Variants in SORCS3 observed in about 807,000 individuals in gnomAD.
The protein encoded by SORCS3 is VPS10 domain-containing receptor SorCS3.
SORCS3 carries 57 observed loss-of-function variants against 146.3 expected under a neutral mutation model. That is an observed-to-expected ratio of 0.39 (90% CI 0.31 to 0.49). The LOEUF (loss-of-function observed/expected upper bound fraction) is 0.49. Ranked by LOEUF, SORCS3 falls within the 20% of genes least tolerant of loss-of-function variation. The pLI, the probability that SORCS3 is intolerant of heterozygous loss-of-function variation, is 0.92. For synonymous variants in SORCS3, 653 were observed against 618.5 expected (o/e 1.06, Z -0.83); for missense variants, 1,341 against 1,575.5 (o/e 0.85, Z 2.52).
chr10:104,959,548 G>A (rs1033881154), intron 3 of SORCS3, among the ~76,000 whole-genome samples: 2 of 152,112 alleles, frequency 1.3e-5, no homozygotes, highest in Non-Finnish European at 2.9e-5. Context: ...AAGAAGTGAT[G>A]GGTATGCATA....
intron 7 of SORCS3, among the ~76,000 whole-genome samples, chr10:105,111,738 A>G (rs1439705930): frequency 3.9e-5 from 6 of 152,214 alleles, no homozygotes; most frequent in Admixed American, 3.9e-4. Flanking sequence ...ATGTAATATG[A>G]TGAGAGCTGT....
At chr10:104,692,214 G>A (rs951499051) in intron 1 of SORCS3, among the ~76,000 whole-genome samples, 1 of 152,162 alleles carries the variant, frequency 6.6e-6, no homozygotes, top group Admixed American at 6.5e-5. Context: ...GGGATGCAGA[G>A]TGTGGGAGGC....
chr10:104,738,444 C>G (rs1390902279), intron 1 of SORCS3, among the ~76,000 whole-genome samples: 2 of 152,178 alleles, frequency 1.3e-5, no homozygotes, highest in African/African-American at 4.8e-5. Context: ...GATGTAGCCT[C>G]TTAGAAATAC....
chr10:105,179,199 G>A (rs1191249392), intron 14 of SORCS3, among the ~76,000 whole-genome samples: 6 of 151,912 alleles, frequency 3.9e-5, no homozygotes, highest in Non-Finnish European at 8.8e-5. Flanking sequence ...TCTTCTTTTG[G>A]GCATTACTTT....
chr10:104,780,019 GA>G (rs1360261913), intron 1 of SORCS3, among the ~76,000 whole-genome samples: 1 of 152,150 alleles, frequency 6.6e-6, no homozygotes, highest in East Asian at 1.9e-4. Context: ...TGCTTATGGG[GA>G]GGGGAAGGGA....
At chr10:105,062,269 T>C (rs774910542) in intron 5 of SORCS3, among the ~76,000 whole-genome samples, 1 of 152,172 alleles carries the variant, frequency 6.6e-6, no homozygotes, top group Non-Finnish European at 1.5e-5. Context: ...AGTGGCCCAG[T>C]GTATGGGGTT....
intron 11 of SORCS3, among the ~76,000 whole-genome samples, chr10:105,162,199 C>G (rs2056270964): frequency 6.6e-6 from 1 of 152,138 alleles, no homozygotes; most frequent in Admixed American, 6.5e-5. Context: ...AAGGATAGCA[C>G]TGGGAGGAAA....
chr10:104,780,215 G>C (rs1170767208), intron 1 of SORCS3, among the ~76,000 whole-genome samples: 1 of 151,778 alleles, frequency 6.6e-6, no homozygotes, highest in East Asian at 1.9e-4. Context: ...AATTGGAAAT[G>C]CAGGAGAACT....
intron 1 of SORCS3, among the ~76,000 whole-genome samples, chr10:104,691,553 G>A (rs139628109): frequency 1.3e-5 from 2 of 152,214 alleles, no homozygotes; most frequent in African/African-American, 4.8e-5. Context: ...CTCTGGGGAC[G>A]ACATTCACTT....
chr10:104,752,952 A>AG (rs34121557), intron 1 of SORCS3, among the ~76,000 whole-genome samples: 104,256 of 147,682 alleles, frequency 0.71, 36,460 homozygotes, highest in East Asian at 0.92. Context: ...AACCAAGCCA[A>AG]CCAACCAACC....
chr10:105,131,848 A>G (rs1471478680), intron 7 of SORCS3, among the ~76,000 whole-genome samples: 2 of 152,120 alleles, frequency 1.3e-5, no homozygotes, highest in Non-Finnish European at 2.9e-5. Flanking sequence ...TATCGCACGG[A>G]CAGTACCAAG....
chr10:104,951,327 A>G (rs1160026904), intron 3 of SORCS3, among the ~76,000 whole-genome samples: 2 of 151,846 alleles, frequency 1.3e-5, no homozygotes, highest in Non-Finnish European at 2.9e-5. Context: ...TGATTTTTTA[A>G]AATTTATTTT....
chr10:105,027,311 A>G (rs760492977), intron 4 of SORCS3, among the ~76,000 whole-genome samples: 8 of 152,190 alleles, frequency 5.3e-5, no homozygotes, highest in Non-Finnish European at 8.8e-5. Context: ...AGCTTGATTT[A>G]ATTCTTCCAC....
chr10:104,883,249 C>T (rs1469066347), intron 2 of SORCS3, among the ~76,000 whole-genome samples: 1 of 152,150 alleles, frequency 6.6e-6, no homozygotes, highest in Non-Finnish European at 1.5e-5. Flanking sequence ...GCTATCAGAG[C>T]CTTTCAGCAG....
At chr10:104,653,591 C>T (rs2015588359) in intron 1 of SORCS3, among the ~76,000 whole-genome samples, 1 of 152,092 alleles carries the variant, frequency 6.6e-6, no homozygotes, top group South Asian at 2.1e-4. Flanking sequence ...TCAAAAGATC[C>T]AGGCTTAGAT....
intron 20 of SORCS3, among the ~76,000 whole-genome samples, chr10:105,244,274 AAT>A (rs1331826763): frequency 6.6e-5 from 10 of 150,644 alleles, no homozygotes; most frequent in African/African-American, 1.9e-4. Context: ...AGGAAAAAAA[AAT>A]ATATATATAT....
intron 3 of SORCS3, among the ~76,000 whole-genome samples, chr10:104,918,252 AT>A (rs879806271): frequency 2.6e-5 from 4 of 152,168 alleles, no homozygotes; most frequent in Non-Finnish European, 4.4e-5. Context: ...CAAGATATCC[AT>A]GGAGTCTCGG....
chr10:105,251,934 A>C (rs2119752409), intron 22 of SORCS3, among the ~76,000 whole-genome samples: 1 of 152,316 alleles, frequency 6.6e-6, no homozygotes, highest in Middle Eastern at 3.4e-3. Context: ...AAATGTAAGG[A>C]AATAGATTGG....
chr10:104,794,157 CT>C (rs1045086838), intron 1 of SORCS3, among the ~76,000 whole-genome samples: 2 of 152,176 alleles, frequency 1.3e-5, no homozygotes, highest in African/African-American at 4.8e-5. Flanking sequence ...GGTCATTCAT[CT>C]TTGAATTTCT....
Sources: allele counts gnomAD v4.1 joint callset (sites outside exome capture counted in the v4.1 genomes callset), GRCh38; gene constraint gnomAD v4.1.1; transcripts MANE v1.5; gene names NCBI Gene and HGNC (gene_info 2026-07-23, HGNC 2026-07-21).